Variants in MAP4K5 observed in about 807,000 individuals in gnomAD.
MAP4K5 encodes the protein mitogen-activated protein kinase kinase kinase kinase 5, also known as MAPK/ERK kinase kinase kinase 5.
Under a neutral mutation model 135.6 loss-of-function variants are expected in MAP4K5, and 82 were observed. The observed-to-expected ratio is 0.60, with a 90% CI of 0.51 to 0.73. MAP4K5 has a LOEUF of 0.73. MAP4K5 is among the 30% of genes least tolerant of loss of function. The probability of loss-of-function intolerance (pLI) is 0.00; values close to 1 mark genes in which losing one functional copy is unlikely to be tolerated. For missense variants in MAP4K5, 907 were observed against 1,010.9 expected (o/e 0.90, Z 1.39); for synonymous variants, 347 against 335.0 (o/e 1.04, Z -0.39).
In MAP4K5 at chr14:50,418,598, AACT is replaced by A. The variant is rs1227975521; in HGVS notation, c.*1418_*1420del. Reference sequence around the variant, plus strand: ...AGTCAGAAGACTCATGGTCAGGCTCAACTACTAACTTGCTGTGTAAATTGGATA... The same window carrying A: ...AGTCAGAAGACTCATGGTCAGGCTCAACTAACTTGCTGTGTAAATTGGATA... On this transcript the variant is annotated 3_prime_UTR_variant, in exon 33 of 33. Transcript: ENST00000682126. The A allele has an allele frequency of 2.0e-5, 3 of 152,684 alleles. No homozygotes were observed. The highest frequency in any genetic ancestry group is 6.5e-5 in the Admixed American group (1 of 15,278). The allele number at this position is 152,684 out of a possible 1,614,324, so 9.5% of individuals were successfully genotyped here. A position where few individuals can be genotyped will look rare whatever the true frequency, so the allele number is the denominator to read the frequency against.
chr14:50,494,777 T>C (rs913547576), intron 3 of MAP4K5, among the ~76,000 whole-genome samples: 14 of 152,168 alleles, frequency 9.2e-5, no homozygotes, highest in Non-Finnish European at 1.3e-4. Context: ...CAAACCCTCA[T>C]GTAGTATATA....
chr14:50,529,929 A>G (rs2038350515), intron 2 of MAP4K5, among the ~76,000 whole-genome samples: 1 of 152,216 alleles, frequency 6.6e-6, no homozygotes, highest in Non-Finnish European at 1.5e-5. Flanking sequence ...TGTCTTGCCC[A>G]GGAGCATTTG....
chr14:50,545,154 A>C (rs1365969779), intron 1 of MAP4K5, among the ~76,000 whole-genome samples: 1 of 152,158 alleles, frequency 6.6e-6, no homozygotes, highest in East Asian at 1.9e-4. Context: ...GCTCAAACAC[A>C]GTAGGCAAAG....
In MAP4K5 at chr14:50,418,977, T is replaced by A. The variant is rs2035663924; in HGVS notation, c.*1042A>T. On this transcript the variant is annotated 3_prime_UTR_variant, in exon 33 of 33. Coordinates refer to ENST00000682126, the MANE Select transcript of MAP4K5 (RefSeq NM_006575.6). The stretch of plus-strand genomic sequence containing the variant: ...TCAGGAATTCAATTCATTTAAATAT[T>A]TTTTTTCTTCTTCAACCTACTCAAA... 1 of 152,172 alleles carries A rather than the reference T, an allele frequency of 6.6e-6. No homozygotes were observed. The highest frequency in any genetic ancestry group is 1.5e-5 in the Non-Finnish European group (1 of 68,000). 9.4% of individuals were successfully genotyped at this position (152,172 alleles called of 1,614,324 possible).
chr14:50,511,798 C>T (rs1254036475), intron 2 of MAP4K5, among the ~76,000 whole-genome samples: 1 of 151,996 alleles, frequency 6.6e-6, no homozygotes, highest in Non-Finnish European at 1.5e-5. Context: ...TCTAAGAAGG[C>T]TTACAAAGTG....
At chr14:50,504,689 G>T in intron 3 of MAP4K5, 111 bp downstream of exon 3, 2 of 735,470 alleles carry the variant, frequency 2.7e-6, no homozygotes, top group Non-Finnish European at 2.2e-6. Flanking sequence ...TTTAATTGAA[G>T]ATATTCTACT....
Position 50,447,419 on chromosome 14 carries a change from A to G in MAP4K5, c.1137T>C (p.Thr379=). 1.3e-6 allele frequency: 2 copies of G among 1,540,458 alleles called. No individual in the cohort carries two copies. Among genetic ancestry groups the G allele is most frequent in the East Asian group, 4.9e-5 (2 of 40,870 alleles). ...QWNPFVDGAN[T]GKSTSKRAIP... is the part of the protein sequence containing the mutation. The stretch of plus-strand genomic sequence containing the variant: ...TAAATTAGAAAACAACTTACTTGCC[A>G]GTATTTGCACCATCAACAAAAGGAT... The change falls in exon 16 of 33, where the codon ACT becomes ACC. Residue 379 remains threonine, a synonymous_variant. Transcript: ENST00000682126.
upstream of MAP4K5, among the ~76,000 whole-genome samples, chr14:50,537,511 C>G (rs1323160522): frequency 6.6e-6 from 1 of 152,186 alleles, no homozygotes; most frequent in African/African-American, 2.4e-5. Context: ...TCCTCCAGAT[C>G]ACAGAATGGT....
intron 2 of MAP4K5, among the ~76,000 whole-genome samples, chr14:50,507,482 T>G (rs1309598704): frequency 1.3e-5 from 2 of 152,254 alleles, no homozygotes; most frequent in Non-Finnish European, 2.9e-5. Context: ...TTTGTGGGCA[T>G]TTAGTGCTAT....
intron 30 of MAP4K5, among the ~76,000 whole-genome samples, chr14:50,427,059 C>T (rs2035862957): frequency 6.6e-6 from 1 of 152,148 alleles, no homozygotes; most frequent in Non-Finnish European, 1.5e-5. Context: ...AACCTAGTTA[C>T]TGATTTTATT....
intron 23 of MAP4K5, among the ~76,000 whole-genome samples, chr14:50,439,394 C>T (rs2036174219): frequency 1.4e-5 from 2 of 146,880 alleles, no homozygotes; most frequent in South Asian, 4.3e-4. Context: ...TAATAATAAC[C>T]AAGAAAGAAT....
At chr14:50,548,662 G>T (rs185523288) in intron 1 of MAP4K5, among the ~76,000 whole-genome samples, 2,250 of 152,030 alleles carry the variant, frequency 0.015, 43 homozygotes, top group African/African-American at 0.051. Context: ...GGCACACACC[G>T]CCACGCCCAG....
At chr14:50,548,693 G>A (rs939357306) in intron 1 of MAP4K5, among the ~76,000 whole-genome samples, 1 of 151,982 alleles carries the variant, frequency 6.6e-6, no homozygotes, top group African/African-American at 2.4e-5. Context: ...TGTATTTTTA[G>A]TAGAGACAGG....
intron 3 of MAP4K5, among the ~76,000 whole-genome samples, chr14:50,490,159 G>GTA (rs1555356354): frequency 0.019 from 2,649 of 137,988 alleles, 102 homozygotes; most frequent in African/African-American, 0.065. Context: ...GTGTGTGTGT[G>GTA]TAAGGGAACT....
upstream of MAP4K5, among the ~76,000 whole-genome samples, chr14:50,534,441 C>T (rs2038466529): frequency 6.6e-6 from 1 of 152,306 alleles, no homozygotes; most frequent in Non-Finnish European, 1.5e-5. Flanking sequence ...AATGAGCCTT[C>T]TTCATAAAGT....
At chr14:50,506,252 T>G (rs549757229) in intron 2 of MAP4K5, among the ~76,000 whole-genome samples, 1 of 152,138 alleles carries the variant, frequency 6.6e-6, no homozygotes, top group East Asian at 1.9e-4. Flanking sequence ...TTCAAAGAGA[T>G]CCTTTTAAAA....
At chr14:50,551,338 ACT>A (rs1305620644) in intron 1 of MAP4K5, among the ~76,000 whole-genome samples, 1 of 91,036 alleles carries the variant, frequency 1.1e-5, no homozygotes, top group Non-Finnish European at 2.5e-5. Context: ...AGAAATAGAA[ACT>A]CTGAACAGAC....
intron 10 of MAP4K5, among the ~76,000 whole-genome samples, chr14:50,468,190 T>G (rs1468286108): frequency 6.6e-6 from 1 of 152,164 alleles, no homozygotes. Flanking sequence ...TTCTATCATT[T>G]ACTTATAATT....
intron 10 of MAP4K5, among the ~76,000 whole-genome samples, chr14:50,467,102 A>T (rs1029081513): frequency 6.8e-4 from 103 of 152,138 alleles, no homozygotes; most frequent in African/African-American, 2.2e-3. Flanking sequence ...CCTTTTTTGG[A>T]CAATGATTTC....
Sources: gnomAD v4.1 joint callset for allele counts (sites outside exome capture counted in the v4.1 genomes callset) on GRCh38, gnomAD v4.1.1 for gene constraint, MANE v1.5 for transcripts, NCBI Gene and HGNC (gene_info 2026-07-23, HGNC 2026-07-21) for gene names.